The following KLHL1 variants were observed in gnomAD, a reference collection of about 807,000 sequenced individuals.
The protein encoded by KLHL1 is kelch-like protein 1.
A neutral mutation model predicts 77.7 loss-of-function variants in KLHL1; 47 were observed. That is an observed-to-expected ratio of 0.60 (90% CI 0.48 to 0.77). The LOEUF is 0.77. Ranked by LOEUF, KLHL1 falls within the 30% of genes least tolerant of loss-of-function variation. The pLI is 0.00. For missense variants in KLHL1, 925 were observed against 910.8 expected (o/e 1.02, Z -0.20); for synonymous variants, 360 against 325.2 (o/e 1.11, Z -1.15).
At chr13:69,840,122 AAATTT>A (rs764253937) in intron 5 of KLHL1, among the ~76,000 whole-genome samples, 7 of 152,246 alleles carry the variant, frequency 4.6e-5, no homozygotes, top group East Asian at 3.9e-4. Flanking sequence ...GTGACTAATT[AAATTT>A]AACACTATAA....
chr13:69,891,208 G>T (rs575553589), intron 4 of KLHL1, among the ~76,000 whole-genome samples: 23 of 152,088 alleles, frequency 1.5e-4, no homozygotes, highest in Non-Finnish European at 2.9e-4. Context: ...CAACTCTGCC[G>T]GACTGAAGTG....
intron 5 of KLHL1, among the ~76,000 whole-genome samples, chr13:69,876,268 T>C (rs1880759665): frequency 6.6e-6 from 1 of 152,212 alleles, no homozygotes; most frequent in South Asian, 2.1e-4. Context: ...CTAACTGTTT[T>C]TATAAATCAG....
At chr13:69,705,400 G>GT (rs958411524) in intron 10 of KLHL1, among the ~76,000 whole-genome samples, 3 of 151,554 alleles carry the variant, frequency 2.0e-5, no homozygotes, top group Non-Finnish European at 3.0e-5. Context: ...GCTAAACTGA[G>GT]TTTTTTTCCA....
intron 7 of KLHL1, among the ~76,000 whole-genome samples, chr13:69,782,460 C>T (rs1876276401): frequency 1.3e-5 from 2 of 152,342 alleles, no homozygotes; most frequent in African/African-American, 4.8e-5. Context: ...GTCACTCCCA[C>T]CCTAATACTG....
Position 69,851,525 on chromosome 13 carries a change from A to T in KLHL1, c.1228-12363T>A, listed in dbSNP as rs1238417005. On this transcript the variant is annotated intron_variant, in intron 5 of 10. Transcript: ENST00000377844. ...CATTTTTGACTTTAGAGTTGCATGA[A>T]GTAATAACTTTCAACATGTTAAATA... Among the ~76,000 whole-genome samples the T allele has an allele frequency of 2.6e-5, 4 of 151,858 alleles. No homozygotes were observed. In the East Asian group the frequency reaches 7.7e-4, roughly 29 times the overall value.
intron 6 of KLHL1, among the ~76,000 whole-genome samples, chr13:69,815,491 G>T (rs1376289115): frequency 6.6e-6 from 1 of 152,154 alleles, no homozygotes; most frequent in Non-Finnish European, 1.5e-5. Flanking sequence ...CTTATATGTG[G>T]GAGGTAAACA....
intron 4 of KLHL1, among the ~76,000 whole-genome samples, chr13:69,906,320 T>C (rs1172257760): frequency 6.6e-6 from 1 of 151,968 alleles, no homozygotes. Context: ...TATTCAGTGG[T>C]CAAGGAAAGG....
intron 7 of KLHL1, among the ~76,000 whole-genome samples, chr13:69,788,905 T>A (rs572687783): frequency 6.6e-6 from 1 of 152,280 alleles, no homozygotes; most frequent in East Asian, 1.9e-4. Flanking sequence ...ATTATTCTAA[T>A]GATATTACAA....
chr13:69,841,756 G>A (rs537674423), intron 5 of KLHL1, among the ~76,000 whole-genome samples: 4 of 151,586 alleles, frequency 2.6e-5, no homozygotes, highest in Non-Finnish European at 5.9e-5. Flanking sequence ...AAATGTCAAA[G>A]CAATCCTGAT....
chr13:69,967,349 T>A (rs950888998), intron 2 of KLHL1, among the ~76,000 whole-genome samples: 2 of 152,138 alleles, frequency 1.3e-5, no homozygotes, highest in African/African-American at 2.4e-5. Context: ...CCCTCATATA[T>A]GACTTTGAAG....
At chr13:69,904,275 G>A (rs965761580) in intron 4 of KLHL1, among the ~76,000 whole-genome samples, 1 of 152,194 alleles carries the variant, frequency 6.6e-6, no homozygotes, top group Non-Finnish European at 1.5e-5. Flanking sequence ...CTCAACCAGT[G>A]TATTATTTGG....
intron 6 of KLHL1, among the ~76,000 whole-genome samples, chr13:69,831,707 C>T (rs1878768288): frequency 6.7e-6 from 1 of 150,054 alleles, no homozygotes; most frequent in South Asian, 2.1e-4. Flanking sequence ...CCGCAAAATA[C>T]TAGCTAAATA....
At chr13:70,056,325 A>G (rs775596773) in intron 1 of KLHL1, among the ~76,000 whole-genome samples, 2 of 152,118 alleles carry the variant, frequency 1.3e-5, no homozygotes, top group African/African-American at 4.8e-5. Context: ...ATACTGGGAC[A>G]CCCAGATAAA....
chr13:69,711,061 T>C (rs74092464), intron 9 of KLHL1, among the ~76,000 whole-genome samples: 19,223 of 152,136 alleles, frequency 0.13, 1,493 homozygotes, highest in African/African-American at 0.21. Context: ...TAAAACCAAA[T>C]TGAATTTTTT....
intron 7 of KLHL1, among the ~76,000 whole-genome samples, chr13:69,784,068 C>A (rs906353008): frequency 2.6e-5 from 4 of 152,138 alleles, no homozygotes; most frequent in Admixed American, 2.6e-4. Context: ...CCCAGAATTT[C>A]ATATCCAGCC....
intron 4 of KLHL1, among the ~76,000 whole-genome samples, chr13:69,935,208 A>ACTGGTGAACTTGGTACATAGTTCACCC (rs1257003150): frequency 4.6e-5 from 7 of 151,252 alleles, no homozygotes; most frequent in African/African-American, 9.7e-5. Context: ...CATAGTTGGT[A>ACTGGTGAACTTGGTACATAGTTCACCC]CTGGTGAACT....
chr13:69,966,368 C>A (rs1479117726), intron 2 of KLHL1, among the ~76,000 whole-genome samples: 7 of 152,076 alleles, frequency 4.6e-5, no homozygotes, highest in Non-Finnish European at 4.4e-5. Flanking sequence ...AGGAATGGAA[C>A]TATAAAGCCT....
At chr13:70,059,218 G>A (rs1257438175) in intron 1 of KLHL1, among the ~76,000 whole-genome samples, 1 of 151,314 alleles carries the variant, frequency 6.6e-6, no homozygotes, top group Non-Finnish European at 1.5e-5. Context: ...GAGTGCAGTG[G>A]CACAACCTTG....
chr13:69,857,939 A>G (rs1171866427), intron 5 of KLHL1, among the ~76,000 whole-genome samples: 2 of 151,980 alleles, frequency 1.3e-5, no homozygotes, highest in Non-Finnish European at 2.9e-5. Context: ...ATTTTATACA[A>G]TGCTCCGAAT....
Sources: allele counts gnomAD v4.1 joint callset (sites outside exome capture counted in the v4.1 genomes callset), GRCh38; gene constraint gnomAD v4.1.1; transcripts MANE v1.5; gene names NCBI Gene and HGNC (gene_info 2026-07-23, HGNC 2026-07-21).